EYS: variants seen among roughly 807,000 people sequenced by gnomAD.
EYS encodes the protein EGF-like photoreceptor maintenance factor.
EYS carries 250 observed loss-of-function variants against 282.1 expected under a neutral mutation model. The observed-to-expected ratio is 0.89, with a 90% CI of 0.80 to 0.98. EYS has a LOEUF of 0.98. Ranked by LOEUF, EYS falls within the 50% of genes least tolerant of loss-of-function variation. The probability of loss-of-function intolerance (pLI) is 0.00; values close to 1 mark genes in which losing one functional copy is unlikely to be tolerated. For synonymous variants in EYS, 1,355 were observed against 1,282.9 expected (o/e 1.06, Z -1.20); for missense variants, 4,016 against 3,709.0 (o/e 1.08, Z -2.15).
At chr6:65,475,756 G>GACAC (rs545961939) in intron 5 of EYS, among the ~76,000 whole-genome samples, 221 of 146,000 alleles carry the variant, frequency 1.5e-3, no homozygotes, top group Middle Eastern at 0.011. Flanking sequence ...CAGACAGACA[G>GACAC]ACACACACAC....
chr6:65,129,921 A>G (rs1554158169), intron 12 of EYS, among the ~76,000 whole-genome samples: 1 of 151,906 alleles, frequency 6.6e-6, no homozygotes, highest in Non-Finnish European at 1.5e-5. Context: ...GTATATCAAC[A>G]GTGTACTGGC....
At chr6:64,889,959 T>A (rs1169972103) in intron 18 of EYS, among the ~76,000 whole-genome samples, 1 of 151,586 alleles carries the variant, frequency 6.6e-6, no homozygotes, top group African/African-American at 2.4e-5. Flanking sequence ...CAAAAGCAAC[T>A]GGGAGAAATA....
At chr6:65,159,189 A>C (rs927485462) in intron 12 of EYS, among the ~76,000 whole-genome samples, 2 of 150,820 alleles carry the variant, frequency 1.3e-5, no homozygotes, top group Non-Finnish European at 3.0e-5. Context: ...AGAACTCTAC[A>C]TCTGGGCACA....
intron 37 of EYS, among the ~76,000 whole-genome samples, chr6:63,803,194 T>C (rs1344602100): frequency 1.3e-5 from 2 of 152,114 alleles, no homozygotes; most frequent in Non-Finnish European, 2.9e-5. Context: ...AATATCTGTT[T>C]TGAAACAAGA....
At chr6:64,903,624 C>T (rs1465949797) in intron 16 of EYS, among the ~76,000 whole-genome samples, 2 of 152,170 alleles carry the variant, frequency 1.3e-5, no homozygotes, top group African/African-American at 4.8e-5. Context: ...TATAGCACAG[C>T]TTTCTTGGTC....
chr6:64,256,277 C>T (rs1196761039), intron 30 of EYS, among the ~76,000 whole-genome samples: 1 of 151,942 alleles, frequency 6.6e-6, no homozygotes, highest in Admixed American at 6.6e-5. Flanking sequence ...TTAAATCTTA[C>T]ATGGTAGTCA....
intron 12 of EYS, among the ~76,000 whole-genome samples, chr6:65,195,452 A>T (rs1190744372): frequency 1.3e-5 from 2 of 152,078 alleles, no homozygotes; most frequent in Non-Finnish European, 2.9e-5. Context: ...ACTTAAAAAC[A>T]ATCAAGTTAA....
At chr6:64,891,570 G>A (rs1471474276) in intron 18 of EYS, among the ~76,000 whole-genome samples, 1 of 151,966 alleles carries the variant, frequency 6.6e-6, no homozygotes, top group Admixed American at 6.6e-5. Context: ...CCTGGCCTCT[G>A]GCTATAGTGT....
At chr6:64,793,500 G>C (rs1049043370) in intron 22 of EYS, among the ~76,000 whole-genome samples, 2 of 152,082 alleles carry the variant, frequency 1.3e-5, no homozygotes, top group African/African-American at 4.8e-5. Flanking sequence ...AATGCATATT[G>C]GATAATTTTG....
At chr6:64,305,805 A>G (rs1281119052) in intron 30 of EYS, among the ~76,000 whole-genome samples, 22 of 152,234 alleles carry the variant, frequency 1.4e-4, no homozygotes. Flanking sequence ...AAGGCTCACA[A>G]CATAGAATTT....
intron 22 of EYS, among the ~76,000 whole-genome samples, chr6:64,700,647 C>T (rs1770750871): frequency 6.6e-6 from 1 of 151,584 alleles, no homozygotes; most frequent in Non-Finnish European, 1.5e-5. Flanking sequence ...ATTAAAGTAA[C>T]TAGGAATATA....
At chr6:63,880,456 TC>T (rs1437330277) in intron 35 of EYS, among the ~76,000 whole-genome samples, 1 of 140,596 alleles carries the variant, frequency 7.1e-6, no homozygotes, top group African/African-American at 2.8e-5. Context: ...CCATTATATC[TC>T]TGTCTATCTG....
intron 26 of EYS, among the ~76,000 whole-genome samples, chr6:64,556,062 T>C (rs780588629): frequency 3.0e-4 from 45 of 152,066 alleles, no homozygotes; most frequent in Non-Finnish European, 5.3e-4. Flanking sequence ...ACAGTCATTT[T>C]GGAAGACAAT....
intron 2 of EYS, among the ~76,000 whole-genome samples, chr6:65,541,331 C>A (rs1354765265): frequency 6.6e-6 from 1 of 151,988 alleles, no homozygotes; most frequent in Non-Finnish European, 1.5e-5. Flanking sequence ...TTGAAGTAAA[C>A]AAGTTTGATT....
At chr6:64,330,987 T>C (rs1770626553) in intron 29 of EYS, among the ~76,000 whole-genome samples, 1 of 152,148 alleles carries the variant, frequency 6.6e-6, no homozygotes, top group Non-Finnish European at 1.5e-5. Flanking sequence ...GCCCTTAAAA[T>C]ACCAAGATGT....
chr6:64,352,406 CA>C (rs1167224646), intron 29 of EYS, among the ~76,000 whole-genome samples: 1 of 151,478 alleles, frequency 6.6e-6, no homozygotes, highest in Non-Finnish European at 1.5e-5. Flanking sequence ...AATATACGTT[CA>C]CTAGTATCTG....
rs139395275 is a variant in EYS at position 65,170,861 on chromosome 6, A to G, written c.2024-113134T>C. Among the ~76,000 whole-genome samples, 628 of 151,616 alleles carry G rather than the reference A, an allele frequency of 4.1e-3. 5 individuals carry two copies. The highest frequency in any genetic ancestry group is 0.015 in the African/African-American group (602 of 41,466). ...TTTAAAGTTATTTAGAAATCTTTGA[A>G]TATCCAATAACAAAAATGAGAAATT... On this transcript the variant is annotated intron_variant, in intron 12 of 42. Coordinates refer to ENST00000503581, the MANE Select transcript of EYS (RefSeq NM_001142800.2).
At chr6:64,023,524 G>A (rs904823638) in intron 33 of EYS, among the ~76,000 whole-genome samples, 4 of 152,186 alleles carry the variant, frequency 2.6e-5, no homozygotes, top group Admixed American at 1.3e-4. Flanking sequence ...GCATGGTCTC[G>A]ATTTTTCCAC....
intron 26 of EYS, among the ~76,000 whole-genome samples, chr6:64,570,409 A>G (rs927132263): frequency 2.0e-5 from 3 of 152,222 alleles, no homozygotes; most frequent in Non-Finnish European, 4.4e-5. Context: ...ACCAGCTAGC[A>G]TCATAATGAC....
Sources: allele counts gnomAD v4.1 joint callset (sites outside exome capture counted in the v4.1 genomes callset), GRCh38; gene constraint gnomAD v4.1.1; transcripts MANE v1.5; gene names NCBI Gene and HGNC (gene_info 2026-07-23, HGNC 2026-07-21).